The following KAT6B variants were observed in gnomAD, a reference collection of about 807,000 sequenced individuals.
KAT6B encodes lysine acetyltransferase 6B, also known as histone acetyltransferase KAT6B.
KAT6B carries 10 observed loss-of-function variants against 187.5 expected under a neutral mutation model. The ratio of observed to expected loss-of-function variants is 0.05; its 90% CI spans 0.03 to 0.09. The LOEUF is 0.09. Ranked by LOEUF, KAT6B falls within the 10% of genes least tolerant of loss-of-function variation. The probability of loss-of-function intolerance (pLI) is 1.00; values close to 1 mark genes in which losing one functional copy is unlikely to be tolerated. For missense variants in KAT6B, 1,952 were observed against 2,558.9 expected, an observed-to-expected ratio of 0.76 and a Z score of 5.12; for synonymous variants, 861 against 926.8, an observed-to-expected ratio of 0.93 and a Z score of 1.29.
At chr10:75,016,956 C>T (rs981941539) in intron 13 of KAT6B, among the ~76,000 whole-genome samples, 50 of 151,074 alleles carry the variant, frequency 3.3e-4, no homozygotes, top group Middle Eastern at 3.4e-3. Context: ...CTCTGCCTCC[C>T]GGATTCAAGT....
chr10:74,905,252 T>A (rs1276504634), intron 3 of KAT6B, among the ~76,000 whole-genome samples: 1 of 152,194 alleles, frequency 6.6e-6, no homozygotes, highest in African/African-American at 2.4e-5. Flanking sequence ...CCATTGCCTG[T>A]CAGTTGTGAG....
intron 1 of KAT6B, among the ~76,000 whole-genome samples, chr10:74,828,300 C>G (rs138336053): frequency 2.6e-5 from 4 of 152,150 alleles, no homozygotes; most frequent in Non-Finnish European, 5.9e-5. Flanking sequence ...AAATGAAGAC[C>G]AACGAACCAA....
intron 3 of KAT6B, among the ~76,000 whole-genome samples, chr10:74,925,929 G>A (rs1049925497): frequency 1.3e-5 from 2 of 151,952 alleles, no homozygotes; most frequent in African/African-American, 2.4e-5. Flanking sequence ...TCGCATGTGC[G>A]TACAGCCCAT....
In KAT6B at chr10:75,029,632, T is replaced by C; in HGVS notation, c.4808T>C (p.Val1603Ala). The change falls in exon 18 of 18, where the codon GTC becomes GCC. Residue 1603 changes from valine to alanine, a missense_variant. Transcript: ENST00000287239. The surrounding 1 kb of genome is among the most constrained non-coding windows in gnomAD (Gnocchi z 6.2). ...GACCACAGTAGCCCAGTTTCATCCG[T>C]CCACTCCCATCCTGGCCAGTCCGTA... ...QSDHSSPVSS[V>A]HSHPGQSVRS... is the part of the protein sequence containing the mutation. 6.2e-7 allele frequency: 1 copy of C among 1,614,096 alleles called. No individual in the cohort carries two copies. Among genetic ancestry groups the C allele is most frequent in the Non-Finnish European group, 8.5e-7 (1 of 1,180,014 alleles).
In KAT6B at chr10:74,842,923, G is replaced by A. The variant is rs748479485; in HGVS notation, c.66G>A (p.Lys22=). ...TTGAAGCTATACAGAAAATAAAAAA[G>A]CAAAAGCAAAGGCCCTCTGAAGAGA... ...WILEAIQKIK[K]QKQRPSEERI... The change falls in exon 3 of 18, where the codon AAG becomes AAA. Residue 22 remains lysine (K), a synonymous_variant. Transcript: ENST00000287239. 6.2e-7 allele frequency: 1 copy of A among 1,614,114 alleles called. No individual in the cohort carries two copies. Among genetic ancestry groups the A allele is most frequent in the Non-Finnish European group, 8.5e-7 (1 of 1,180,004 alleles).
At chr10:74,874,660 C>T (rs997404586) in intron 3 of KAT6B, among the ~76,000 whole-genome samples, 7 of 152,110 alleles carry the variant, frequency 4.6e-5, no homozygotes, top group African/African-American at 1.7e-4. Context: ...GGATTATAAG[C>T]GTGAGCCACC....
At chr10:74,839,092 G>C (rs1424623719) in intron 2 of KAT6B, among the ~76,000 whole-genome samples, 1 of 151,576 alleles carries the variant, frequency 6.6e-6, no homozygotes, top group Admixed American at 6.6e-5. Context: ...GGTGGAGATT[G>C]CAGTGAGCCG....
chr10:74,838,914 G>T (rs1402024969), intron 2 of KAT6B, among the ~76,000 whole-genome samples, 162 bp downstream of exon 2: 1 of 152,142 alleles, frequency 6.6e-6, no homozygotes, highest in South Asian at 2.1e-4. Context: ...CAGCACTTTG[G>T]GAGGCCGAAG....
At chr10:74,895,030 T>C (rs1845891707) in intron 3 of KAT6B, among the ~76,000 whole-genome samples, 1 of 151,742 alleles carries the variant, frequency 6.6e-6, no homozygotes, top group South Asian at 2.1e-4. Flanking sequence ...TGCACAGAGA[T>C]TACCATTGCT....
At chr10:74,971,534 G>A (rs1380574967) in intron 6 of KAT6B, among the ~76,000 whole-genome samples, 1 of 152,050 alleles carries the variant, frequency 6.6e-6, no homozygotes, top group East Asian at 1.9e-4. Context: ...TTTTTAAGTA[G>A]TCAGATTGAA....
intron 3 of KAT6B, among the ~76,000 whole-genome samples, chr10:74,954,118 G>A (rs1840507435): frequency 6.6e-6 from 1 of 152,202 alleles, no homozygotes; most frequent in African/African-American, 2.4e-5. Flanking sequence ...AATTGTGTGA[G>A]GTGAAATTGT....
At chr10:74,893,457 GT>G (rs34203053) in intron 3 of KAT6B, among the ~76,000 whole-genome samples, 31 of 145,284 alleles carry the variant, frequency 2.1e-4, no homozygotes, top group East Asian at 8.0e-4. Flanking sequence ...AAATCAGTGG[GT>G]TTTTTTTTTT....
intron 12 of KAT6B, among the ~76,000 whole-genome samples, chr10:74,987,895 C>A (rs1246350563): frequency 6.6e-6 from 1 of 152,326 alleles, no homozygotes; most frequent in South Asian, 2.1e-4. Context: ...TTACTTGAAC[C>A]TTTGCCATTG....
intron 3 of KAT6B, among the ~76,000 whole-genome samples, chr10:74,909,508 G>A (rs1230770798): frequency 6.6e-6 from 1 of 152,144 alleles, no homozygotes; most frequent in Non-Finnish European, 1.5e-5. Flanking sequence ...TCCTCAGTTT[G>A]GGTTAGCATT....
At position 74,897,319 on chromosome 10, in the gene KAT6B, C is replaced by T. The variant is rs142735239; in HGVS notation, c.621+53841C>T. Among the ~76,000 whole-genome samples, 1,328 of 152,336 alleles carry T rather than the reference C, an allele frequency of 8.7e-3. 8 individuals are homozygous for T. Among genetic ancestry groups the T allele is most frequent in the Non-Finnish European group, 0.014 (930 of 68,030 alleles). ...GTGCACCACCTCTTCCTCTCCCCCG[C>T]TCCCCACTCTAACATGACAAGAAGT... On this transcript the variant is annotated intron_variant, in intron 3 of 17. Transcript: ENST00000287239.
chr10:75,019,880 A>G (rs1448160206), intron 13 of KAT6B, among the ~76,000 whole-genome samples: 1 of 152,062 alleles, frequency 6.6e-6, no homozygotes, highest in East Asian at 1.9e-4. Flanking sequence ...CATACATGCA[A>G]TAGGTTGTTT....
intron 3 of KAT6B, among the ~76,000 whole-genome samples, chr10:74,863,971 T>C (rs1589500449): frequency 6.6e-6 from 1 of 152,360 alleles, no homozygotes; most frequent in East Asian, 1.9e-4. Context: ...GCCCCTCTTA[T>C]CTCAATATAC....
chr10:75,019,059 A>G (rs1231963623), intron 13 of KAT6B, among the ~76,000 whole-genome samples: 3 of 152,080 alleles, frequency 2.0e-5, no homozygotes, highest in Non-Finnish European at 4.4e-5. Context: ...ACAGGACACA[A>G]TATGGGCTGG....
intron 3 of KAT6B, among the ~76,000 whole-genome samples, chr10:74,871,851 G>A (rs938873265): frequency 6.6e-6 from 1 of 152,230 alleles, no homozygotes; most frequent in Non-Finnish European, 1.5e-5. Flanking sequence ...TGGAGCTGGA[G>A]TCAGAAGACT....
Sources: allele counts gnomAD v4.1 joint callset (sites outside exome capture counted in the v4.1 genomes callset), GRCh38; gene constraint gnomAD v4.1.1; non-coding constraint Gnocchi (gnomAD v3.1); transcripts MANE v1.5; gene names NCBI Gene and HGNC (gene_info 2026-07-23, HGNC 2026-07-21).